Variants in PDE8B observed in about 807,000 individuals in gnomAD.
PDE8B encodes high affinity cAMP-specific and IBMX-insensitive 3',5'-cyclic phosphodiesterase 8B.
Under a neutral mutation model 101.3 loss-of-function variants are expected in PDE8B, and 26 were observed. The observed-to-expected ratio is 0.26, with a 90% CI of 0.19 to 0.36. PDE8B has a LOEUF of 0.36. Ranked by LOEUF, PDE8B falls within the 10% of genes least tolerant of loss-of-function variation. PDE8B has a pLI of 1.00. For synonymous variants in PDE8B, 424 were observed against 429.3 expected (o/e 0.99, Z 0.15); for missense variants, 810 against 1,163.1 (o/e 0.70, Z 4.42).
At chr5:77,090,820 C>G in the PDE8B span, among the ~76,000 whole-genome samples, 3 of 152,104 alleles carry the variant, frequency 2.0e-5, no homozygotes, top group African/African-American at 7.2e-5. Flanking sequence ...AGTTGATGGA[C>G]ACTTAGATTG....
intron 10 of PDE8B, among the ~76,000 whole-genome samples, chr5:77,386,341 T>G (rs1285421967): frequency 6.6e-6 from 1 of 152,236 alleles, no homozygotes; most frequent in African/African-American, 2.4e-5. Flanking sequence ...TTGTTAATTT[T>G]CTGTCTTGTT....
At chr5:77,423,311 G>A (rs1485491810) in intron 20 of PDE8B, among the ~76,000 whole-genome samples, 1 of 152,148 alleles carries the variant, frequency 6.6e-6, no homozygotes, top group Admixed American at 6.5e-5. Context: ...GAATTGTGCT[G>A]TCATAAACAT....
At chr5:77,328,247 C>A (rs1335990439) in intron 3 of PDE8B, among the ~76,000 whole-genome samples, 1 of 152,204 alleles carries the variant, frequency 6.6e-6, no homozygotes, top group Admixed American at 6.5e-5. Flanking sequence ...CTGACCAGAA[C>A]AGTGCAGAAT....
At chr5:77,160,241 T>A in the PDE8B span, among the ~76,000 whole-genome samples, 1 of 152,124 alleles carries the variant, frequency 6.6e-6, no homozygotes, top group Non-Finnish European at 1.5e-5. Flanking sequence ...TGTTTAAGTT[T>A]AAAAAAATAA....
intron 5 of PDE8B, among the ~76,000 whole-genome samples, chr5:77,336,499 G>T (rs1346954634): frequency 6.6e-6 from 1 of 152,090 alleles, no homozygotes; most frequent in African/African-American, 2.4e-5. Context: ...TTTTCTGTCT[G>T]GATTCTTTCA....
the PDE8B span, among the ~76,000 whole-genome samples, chr5:77,193,391 T>A: frequency 1.3e-5 from 2 of 152,184 alleles, no homozygotes; most frequent in Non-Finnish European, 2.9e-5. Context: ...GTTTATGCAT[T>A]TGGATACTCA....
At chr5:77,103,426 C>T in the PDE8B span, among the ~76,000 whole-genome samples, 1 of 152,132 alleles carries the variant, frequency 6.6e-6, no homozygotes, top group African/African-American at 2.4e-5. Context: ...CCTCTCAATT[C>T]GGATATGACA....
At chr5:77,422,046 G>A in intron 20 of PDE8B, 58 bp downstream of exon 20, 1 of 1,524,056 alleles carries the variant, frequency 6.6e-7, no homozygotes, top group Admixed American at 1.8e-5. Context: ...ACTAGGTCAT[G>A]GAACTCCTGG....
intron 1 of PDE8B, among the ~76,000 whole-genome samples, chr5:77,270,832 G>A (rs1762623006): frequency 6.6e-6 from 1 of 152,214 alleles, no homozygotes. Context: ...AGCTGCTCCA[G>A]CTCCTGACCA....
chr5:77,212,560 G>A (rs562992592), intron 1 of PDE8B, among the ~76,000 whole-genome samples: 2 of 152,122 alleles, frequency 1.3e-5, no homozygotes, highest in African/African-American at 2.4e-5. Flanking sequence ...TAAAAACATC[G>A]TTTATTGAGC....
At chr5:77,096,002 T>G in the PDE8B span, among the ~76,000 whole-genome samples, 1 of 152,204 alleles carries the variant, frequency 6.6e-6, no homozygotes. Context: ...GATACACATT[T>G]TTTTTTGAGA....
the PDE8B span, among the ~76,000 whole-genome samples, chr5:77,120,574 C>A: frequency 6.6e-6 from 1 of 152,046 alleles, no homozygotes; most frequent in Non-Finnish European, 1.5e-5. Context: ...AATGGATATA[C>A]GTATGATAAA....
At chr5:77,368,220 C>T (rs1214022169) in intron 10 of PDE8B, among the ~76,000 whole-genome samples, 2 of 152,192 alleles carry the variant, frequency 1.3e-5, no homozygotes, top group Non-Finnish European at 2.9e-5. Flanking sequence ...TCCTCCTCTC[C>T]CAATCCATCC....
chr5:77,377,550 C>G (rs143850921), intron 10 of PDE8B, among the ~76,000 whole-genome samples: 1 of 152,184 alleles, frequency 6.6e-6, no homozygotes, highest in African/African-American at 2.4e-5. Flanking sequence ...AGATGTGATG[C>G]TTAGTTTTAG....
upstream of PDE8B, among the ~76,000 whole-genome samples, chr5:77,207,284 C>G (rs763684218): frequency 1.3e-5 from 2 of 152,324 alleles, no homozygotes; most frequent in South Asian, 4.1e-4. Flanking sequence ...TTCTGCTTCT[C>G]TAGAGGAATT....
At chr5:77,401,953 G>A (rs1792377266) in intron 11 of PDE8B, among the ~76,000 whole-genome samples, 2 of 152,182 alleles carry the variant, frequency 1.3e-5, no homozygotes, top group Non-Finnish European at 1.5e-5. Context: ...GAACGACTTA[G>A]AATTCAACCA....
At chr5:77,290,160 C>T in intron 1 of PDE8B, 2 of 1,367,296 alleles carry the variant, frequency 1.5e-6, no homozygotes, top group African/African-American at 2.9e-5. Flanking sequence ...GAATTCCAAT[C>T]TGGTCTTACA....
At chr5:77,218,621 A>G (rs776715566) in intron 1 of PDE8B, among the ~76,000 whole-genome samples, 3 of 152,236 alleles carry the variant, frequency 2.0e-5, no homozygotes, top group Admixed American at 6.5e-5. Flanking sequence ...TTCCTTTCAC[A>G]TATCCACTGT....
At chr5:77,269,300 T>C (rs1762324883) in intron 1 of PDE8B, among the ~76,000 whole-genome samples, 1 of 152,184 alleles carries the variant, frequency 6.6e-6, no homozygotes, top group East Asian at 1.9e-4. Context: ...TATTCAGGTC[T>C]TTTGCCCATT....
Sources: gnomAD v4.1 joint callset for allele counts (sites outside exome capture counted in the v4.1 genomes callset) on GRCh38, gnomAD v4.1.1 for gene constraint, MANE v1.5 for transcripts, NCBI Gene and HGNC (gene_info 2026-07-23, HGNC 2026-07-21) for gene names.